Variants in RPTOR observed in about 807,000 individuals in gnomAD.
RPTOR encodes the protein regulatory associated protein of MTOR complex 1, also known as regulatory-associated protein of mTOR.
Under a neutral mutation model 169.9 loss-of-function variants are expected in RPTOR, and 21 were observed. The ratio of observed to expected loss-of-function variants is 0.12; its 90% CI spans 0.09 to 0.18. The LOEUF (loss-of-function observed/expected upper bound fraction) is 0.18. RPTOR is among the 10% of genes least tolerant of loss of function. RPTOR has a pLI of 1.00. For synonymous variants in RPTOR, 732 were observed against 753.2 expected (o/e 0.97, Z 0.46); for missense variants, 1,133 against 1,855.9 (o/e 0.61, Z 7.16).
At chr17:80,728,858 C>T (rs1054272583) in intron 4 of RPTOR, among the ~76,000 whole-genome samples, 10 of 152,068 alleles carry the variant, frequency 6.6e-5, no homozygotes, top group African/African-American at 2.4e-4. Context: ...GAATTGACAT[C>T]TCTAGATCCT....
intron 25 of RPTOR, among the ~76,000 whole-genome samples, chr17:80,944,344 G>C (rs2069071997): frequency 6.6e-6 from 1 of 152,228 alleles, no homozygotes; most frequent in Non-Finnish European, 1.5e-5. Flanking sequence ...GCCCTACCGA[G>C]CTTATTCTGA....
rs1291145536 is a variant in RPTOR, at chr17:80,646,073, A to G, written c.348+2263A>G. 6.6e-6 allele frequency among the ~76,000 whole-genome samples: 1 copy of G among 152,184 alleles called. No homozygotes were observed. Among genetic ancestry groups the G allele is most frequent in the African/African-American group, 2.4e-5 (1 of 41,436 alleles). On this transcript the variant is annotated intron_variant, in intron 3 of 33. Transcript: ENST00000306801. The surrounding 1 kb of genome is among the most constrained non-coding windows in gnomAD (Gnocchi z 5.0). ...GGCGGGATCCCATCTGGGCTGGTTT[A>G]TAAAGTGGAATCTGGAATAAAGTAT...
In RPTOR at chr17:80,964,276, G is replaced by A; in HGVS notation, c.3954G>A (p.Val1318=). Residue 1318 remains valine, a synonymous_variant, in exon 34 of 34, where the codon GTG becomes GTA. Transcript: ENST00000306801. ...AFHPHWPHLA[V]GSNDYYISVY... The stretch of plus-strand genomic sequence containing the variant: ...TCTCCTTGCAGCCTCACCTGGCCGT[G>A]GGAAGCAACGACTACTACATCTCCG... 1 of 1,607,632 alleles carries A rather than the reference G, an allele frequency of 6.2e-7. No individual in the cohort carries two copies. The highest frequency in any genetic ancestry group is 8.5e-7 in the Non-Finnish European group (1 of 1,179,756).
intron 6 of RPTOR, among the ~76,000 whole-genome samples, chr17:80,785,016 C>G (rs1378030279): frequency 2.0e-5 from 3 of 152,184 alleles, no homozygotes; most frequent in Non-Finnish European, 4.4e-5. Context: ...TATTTATTGC[C>G]ACTCTGAGCT....
At chr17:80,928,859 G>A (rs1356123974) in intron 24 of RPTOR, among the ~76,000 whole-genome samples, 2 of 152,176 alleles carry the variant, frequency 1.3e-5, no homozygotes, top group Non-Finnish European at 1.5e-5. Flanking sequence ...TCTATCCAGA[G>A]AATCAATCCC....
At chr17:80,710,496 A>AG (rs2143107971) in intron 4 of RPTOR, among the ~76,000 whole-genome samples, 1 of 152,230 alleles carries the variant, frequency 6.6e-6, no homozygotes, top group East Asian at 1.9e-4. Flanking sequence ...TATCGAATTA[A>AG]GAAAGTACAA....
At chr17:80,802,045 C>T (rs1257480885) in intron 7 of RPTOR, 1 of 152,262 alleles carries the variant, frequency 6.6e-6, no homozygotes, top group Non-Finnish European at 1.5e-5. Flanking sequence ...CTCCTTAGCT[C>T]ATCCGGATTG....
chr17:80,896,422 G>A (rs1484852671), intron 20 of RPTOR, among the ~76,000 whole-genome samples: 2 of 47,464 alleles, frequency 4.2e-5, no homozygotes, highest in Non-Finnish European at 1.0e-4. Context: ...ACCCCACACG[G>A]CCTCGCCAAC....
intron 1 of RPTOR, among the ~76,000 whole-genome samples, chr17:80,614,739 G>C (rs371828020): frequency 6.6e-6 from 1 of 152,218 alleles, no homozygotes; most frequent in African/African-American, 2.4e-5. Context: ...GAGAGGCTTT[G>C]AAGCACCCAG....
At chr17:80,961,632 G>A in intron 31 of RPTOR, 152 bp downstream of exon 31, 4 of 915,596 alleles carry the variant, frequency 4.4e-6, no homozygotes, top group South Asian at 1.7e-5. Flanking sequence ...GAAAGATCAG[G>A]CGCAGCCCGT....
In RPTOR at chr17:80,964,588, GC is replaced by G. The variant is rs1164412207; in HGVS notation, c.*260del. The G allele has an allele frequency of 1.3e-5, 7 of 552,806 alleles. No individual in the cohort carries two copies. Among genetic ancestry groups the G allele is most frequent in the Admixed American group, 3.1e-5 (1 of 32,334 alleles). 34.2% of individuals were successfully genotyped at this position (552,806 alleles called of 1,614,324 possible). On this transcript the variant is annotated 3_prime_UTR_variant, in exon 34 of 34. Coordinates refer to ENST00000306801, the MANE Select transcript of RPTOR (RefSeq NM_020761.3). ...ACCAGCATCCAGGTGCACCCCCGCG[GC>G]CACGGCGCCTCTGTCCCTCTCCTGT...
At chr17:80,618,360 C>T (rs984370818) in intron 1 of RPTOR, among the ~76,000 whole-genome samples, 1 of 150,318 alleles carries the variant, frequency 6.7e-6, no homozygotes, top group Non-Finnish European at 1.5e-5. Context: ...TGAGCTATAA[C>T]GATTCCTTTT....
intron 1 of RPTOR, among the ~76,000 whole-genome samples, chr17:80,573,823 A>G (rs1341972035): frequency 1.3e-5 from 2 of 152,206 alleles, no homozygotes; most frequent in Non-Finnish European, 1.5e-5. Flanking sequence ...CTACTCCAGG[A>G]CATCCCACAG....
At chr17:80,935,322 A>G (rs1048446298) in intron 24 of RPTOR, among the ~76,000 whole-genome samples, 2 of 152,198 alleles carry the variant, frequency 1.3e-5, no homozygotes, top group East Asian at 1.9e-4. Context: ...TCAAAACCCC[A>G]ATAGGATTTT....
intron 22 of RPTOR, 141 bp from the exon 23 acceptor site, chr17:80,923,349 T>C: frequency 1.1e-6 from 1 of 874,168 alleles, no homozygotes. Context: ...GGAGCCATGA[T>C]GGCATGCTGG....
Position 80,945,790 on chromosome 17 carries a change from C to T in RPTOR, c.3140+9C>T, listed in dbSNP as rs73357864. Reference sequence around the variant, plus strand: ...GACAAGGACAGCATCTGGTATGCACCGCGCTGGTCAGGCCTCCCTTCCGGC... The same window carrying T: ...GACAAGGACAGCATCTGGTATGCACTGCGCTGGTCAGGCCTCCCTTCCGGC... On this transcript the variant is annotated intron_variant, in intron 26 of 33. Transcript: ENST00000306801. 5,401 of 1,555,388 alleles carry T rather than the reference C, an allele frequency of 3.5e-3. 163 individuals are homozygous for T. The African/African-American group carries it at 0.064, about 18-fold the overall frequency.
chr17:80,665,405 T>G (rs1326369992), intron 3 of RPTOR, among the ~76,000 whole-genome samples: 68 of 7,988 alleles, frequency 8.5e-3, no homozygotes, highest in South Asian at 0.025. Flanking sequence ...TTCCTTTCCT[T>G]TCCTTTCCTT....
intron 21 of RPTOR, among the ~76,000 whole-genome samples, chr17:80,918,330 G>C (rs2068698963): frequency 6.6e-6 from 1 of 152,208 alleles, no homozygotes; most frequent in Non-Finnish European, 1.5e-5. Context: ...CAGACTCCAG[G>C]CTCTGGGGTG....
intron 1 of RPTOR, among the ~76,000 whole-genome samples, chr17:80,563,968 C>T (rs1352063628): frequency 6.6e-6 from 1 of 152,214 alleles, no homozygotes; most frequent in Non-Finnish European, 1.5e-5. Context: ...CATTCACCCC[C>T]TTGGACCGCA....
Sources: allele counts gnomAD v4.1 joint callset (sites outside exome capture counted in the v4.1 genomes callset), GRCh38; gene constraint gnomAD v4.1.1; non-coding constraint Gnocchi (gnomAD v3.1); transcripts MANE v1.5; gene names NCBI Gene and HGNC (gene_info 2026-07-23, HGNC 2026-07-21).